The following FAT3 variants were observed in gnomAD, a reference collection of about 807,000 sequenced individuals.
FAT3 encodes the protein FAT atypical cadherin 3.
A neutral mutation model predicts 310.2 loss-of-function variants in FAT3; 95 were observed. The observed-to-expected ratio is 0.31, with a 90% CI of 0.26 to 0.36. The LOEUF (loss-of-function observed/expected upper bound fraction) is 0.36. Ranked by LOEUF, FAT3 falls within the 10% of genes least tolerant of loss-of-function variation. The pLI, the probability that FAT3 is intolerant of heterozygous loss-of-function variation, is 1.00. For synonymous variants in FAT3, 2,314 were observed against 2,192.9 expected, an observed-to-expected ratio of 1.06 and a Z score of -1.54; for missense variants, 5,408 against 5,715.6, an observed-to-expected ratio of 0.95 and a Z score of 1.74.
chr11:92,714,298 TA>T (rs1944610432), intron 4 of FAT3, among the ~76,000 whole-genome samples: 2 of 152,170 alleles, frequency 1.3e-5, no homozygotes, highest in African/African-American at 4.8e-5. Flanking sequence ...TTCTGAGGCT[TA>T]AAGCTTGGAA....
At chr11:92,851,302 T>C (rs148078305) in intron 19 of FAT3, among the ~76,000 whole-genome samples, 188 of 152,312 alleles carry the variant, frequency 1.2e-3, no homozygotes, top group Admixed American at 4.7e-3. Context: ...TGAGACCCTG[T>C]AGTAATTTGT....
intron 2 of FAT3, among the ~76,000 whole-genome samples, chr11:92,393,269 C>T (rs1565281318): frequency 1.3e-5 from 2 of 152,052 alleles, no homozygotes; most frequent in Non-Finnish European, 2.9e-5. Flanking sequence ...CACACACACT[C>T]ATGTGTGTCT....
intron 3 of FAT3, among the ~76,000 whole-genome samples, chr11:92,604,109 T>A (rs959364897): frequency 6.6e-6 from 1 of 152,202 alleles, no homozygotes; most frequent in African/African-American, 2.4e-5. Flanking sequence ...AGGGTTCTGT[T>A]TTCTTTTGTG....
At chr11:92,264,536 C>T (rs181866318) in intron 1 of FAT3, among the ~76,000 whole-genome samples, 20 of 152,192 alleles carry the variant, frequency 1.3e-4, no homozygotes, top group South Asian at 2.1e-4. Flanking sequence ...TCAGAATAAC[C>T]GCTATTGCAT....
At chr11:92,707,234 C>T (rs375458593) in intron 4 of FAT3, among the ~76,000 whole-genome samples, 15 of 152,326 alleles carry the variant, frequency 9.8e-5, no homozygotes, top group Admixed American at 6.5e-4. Context: ...GGAGGTCCTT[C>T]CACCCAGTGG....
chr11:92,458,951 A>G (rs1360537190), intron 2 of FAT3, among the ~76,000 whole-genome samples: 1 of 152,224 alleles, frequency 6.6e-6, no homozygotes, highest in Non-Finnish European at 1.5e-5. Flanking sequence ...ACTGTTTGGT[A>G]AATTTGAACT....
intron 3 of FAT3, among the ~76,000 whole-genome samples, chr11:92,531,220 C>G (rs1191208490): frequency 6.6e-6 from 1 of 152,164 alleles, no homozygotes; most frequent in South Asian, 2.1e-4. Context: ...TCCAACAAGT[C>G]CAGTAGAACA....
Position 92,295,692 on chromosome 11 carries a change from G to A in FAT3, c.-17-56404G>A, listed in dbSNP as rs934102440. 5.9e-5 allele frequency among the ~76,000 whole-genome samples: 9 copies of A among 151,948 alleles called. 1 individual carries two copies. Among genetic ancestry groups the A allele is most frequent in the Admixed American group, 3.3e-4 (5 of 15,250 alleles). ...CTTCTTAAGGGAATGATTCATCGTC[G>A]GCAGGCATTTATTAATGTTTTTCAG... is the stretch of plus-strand genomic sequence containing the variant. On this transcript the variant is annotated intron_variant, in intron 1 of 27. Coordinates refer to ENST00000525166, the MANE Select transcript of FAT3 (RefSeq NM_001367949.2).
At chr11:92,340,802 A>G (rs1189569186) in intron 1 of FAT3, among the ~76,000 whole-genome samples, 2 of 152,186 alleles carry the variant, frequency 1.3e-5, no homozygotes, top group East Asian at 1.9e-4. Flanking sequence ...ATGTGGGCTT[A>G]TATGCACCAG....
At chr11:92,654,199 A>C (rs1379550291) in intron 3 of FAT3, among the ~76,000 whole-genome samples, 1 of 152,112 alleles carries the variant, frequency 6.6e-6, no homozygotes, top group Non-Finnish European at 1.5e-5. Context: ...ATCCCAACCC[A>C]CCTTTCAATC....
At chr11:92,859,355 A>T in intron 21 of FAT3, 33 bp downstream of exon 21, 1 of 1,518,402 alleles carries the variant, frequency 6.6e-7, no homozygotes, top group Middle Eastern at 1.7e-4. Context: ...TTCTGCAGTC[A>T]GTTCTCATGT....
intron 4 of FAT3, among the ~76,000 whole-genome samples, chr11:92,736,595 T>G (rs1038605965): frequency 6.6e-6 from 1 of 152,152 alleles, no homozygotes; most frequent in Non-Finnish European, 1.5e-5. Context: ...TTGTAAGGGA[T>G]CTATACCTTC....
intron 4 of FAT3, among the ~76,000 whole-genome samples, chr11:92,757,393 C>T (rs980943478): frequency 6.6e-6 from 1 of 152,152 alleles, no homozygotes; most frequent in Non-Finnish European, 1.5e-5. Flanking sequence ...AGCGAGAGTA[C>T]ACACGGGTCA....
intron 1 of FAT3, among the ~76,000 whole-genome samples, chr11:92,229,474 C>CT (rs1864057037): frequency 3.3e-5 from 2 of 60,070 alleles, no homozygotes; most frequent in Admixed American, 1.6e-4. Flanking sequence ...TCCTTGTTTT[C>CT]TTTTTTTGTT....
chr11:92,553,680 CCTTCCTTCCTTCCTTCCTT>C (rs1954900604), intron 3 of FAT3, among the ~76,000 whole-genome samples: 2 of 32,436 alleles, frequency 6.2e-5, no homozygotes, highest in African/African-American at 7.5e-5. Context: ...TCCGTCCCTT[CCTTCCTTCCTTCCTTCCTT>C]CCTTCCTTCC....
intron 17 of FAT3, among the ~76,000 whole-genome samples, chr11:92,840,113 T>C (rs3847539): frequency 0.83 from 126,960 of 152,156 alleles, 53,274 homozygotes; most frequent in African/African-American, 0.91. Context: ...CCAAAAAATC[T>C]AATGCTGTGA....
At chr11:92,659,388 T>C (rs1942694379) in intron 3 of FAT3, among the ~76,000 whole-genome samples, 1 of 152,204 alleles carries the variant, frequency 6.6e-6, no homozygotes, top group Admixed American at 6.5e-5. Flanking sequence ...TACAACCAAA[T>C]GAAGGTGCAG....
chr11:92,559,355 T>C (rs2135463498), intron 3 of FAT3: 1 of 218,996 alleles, frequency 4.6e-6, no homozygotes, highest in African/African-American at 2.3e-5. Context: ...ATATATTTCT[T>C]ATGCTGGGTG....
At position 92,280,881 on chromosome 11, in the gene FAT3, C is replaced by T. The variant is rs546964437; in HGVS notation, c.-18+55707C>T. On this transcript the variant is annotated intron_variant, in intron 1 of 27. Transcript: ENST00000525166. ...TGTGTCAACCCTGTTCTTCCATTTC[C>T]TAGTATGTTATTTTTATTTGTTCTT... Among the ~76,000 whole-genome samples, 15 of 152,240 alleles carry T rather than the reference C, an allele frequency of 9.9e-5. 2 individuals carry two copies. In the South Asian group the frequency reaches 2.9e-3, roughly 29 times the overall value.
Sources: allele counts gnomAD v4.1 joint callset (sites outside exome capture counted in the v4.1 genomes callset), GRCh38; gene constraint gnomAD v4.1.1; transcripts MANE v1.5; gene names NCBI Gene and HGNC (gene_info 2026-07-23, HGNC 2026-07-21).